TAOK3: variants seen among roughly 807,000 people sequenced by gnomAD.
The protein encoded by TAOK3 is TAO kinase 3, also known as serine/threonine-protein kinase TAO3.
TAOK3 carries 40 observed loss-of-function variants against 120.4 expected under a neutral mutation model. The observed-to-expected ratio is 0.33, with a 90% CI of 0.26 to 0.43. TAOK3 has a LOEUF of 0.43. Among genes scored for constraint, TAOK3 ranks in the 20% least tolerant of loss-of-function variants. The pLI is 1.00. For missense variants in TAOK3, 821 were observed against 1,112.1 expected (o/e 0.74, Z 3.72); for synonymous variants, 355 against 387.5 (o/e 0.92, Z 0.99).
intron 1 of TAOK3, among the ~76,000 whole-genome samples, chr12:118,293,445 G>A (rs2042555815): frequency 1.3e-5 from 2 of 152,024 alleles, no homozygotes; most frequent in South Asian, 2.1e-4. Context: ...TTGGGAGGCT[G>A]AGGTGGGTGG....
At chr12:118,157,758 A>G (rs2034941333) in intron 19 of TAOK3, among the ~76,000 whole-genome samples, 1 of 152,222 alleles carries the variant, frequency 6.6e-6, no homozygotes, top group African/African-American at 2.4e-5. Context: ...GATGCCTGGT[A>G]CATCACGTAG....
chr12:118,176,106 G>C (rs1258721782), intron 16 of TAOK3, among the ~76,000 whole-genome samples: 5 of 152,190 alleles, frequency 3.3e-5, no homozygotes, highest in African/African-American at 7.2e-5. Flanking sequence ...GTTAGAAAAG[G>C]CTTCCTTAGG....
chr12:118,159,552 C>T (rs1301874742), intron 19 of TAOK3, among the ~76,000 whole-genome samples: 2 of 152,184 alleles, frequency 1.3e-5, no homozygotes, highest in South Asian at 2.1e-4. Context: ...CCACCTGCCT[C>T]GGCCTCCCAA....
At chr12:118,342,157 G>A (rs1039456483) in intron 1 of TAOK3, among the ~76,000 whole-genome samples, 1 of 152,014 alleles carries the variant, frequency 6.6e-6, no homozygotes, top group Non-Finnish European at 1.5e-5. Context: ...GGATTTCAGA[G>A]TTGGGAGCAA....
chr12:118,279,886 C>T (rs1348363014), intron 1 of TAOK3, among the ~76,000 whole-genome samples: 2 of 151,726 alleles, frequency 1.3e-5, no homozygotes, highest in Admixed American at 6.6e-5. Flanking sequence ...CTGCCTCAGC[C>T]TCCCAAGTAG....
intron 17 of TAOK3, among the ~76,000 whole-genome samples, chr12:118,170,039 A>G (rs1481177762): frequency 6.6e-6 from 1 of 152,152 alleles, no homozygotes; most frequent in African/African-American, 2.4e-5. Flanking sequence ...ATCTTAGTAT[A>G]TGTCAAGTCC....
At chr12:118,335,314 CT>C (rs2044322637) in intron 1 of TAOK3, among the ~76,000 whole-genome samples, 1 of 151,982 alleles carries the variant, frequency 6.6e-6, no homozygotes, top group East Asian at 1.9e-4. Context: ...GATCTTGAAG[CT>C]ATTAAAAGGA....
rs2043026991 is a variant in TAOK3, at chr12:118,305,719, C to CA, written c.-193-38961dup. On this transcript the variant is annotated intron_variant, in intron 1 of 20. Coordinates refer to ENST00000392533, the MANE Select transcript of TAOK3 (RefSeq NM_016281.4). ...CAGGAATTCAGACTAGCCTGACCAT[C>CA]ATGGTGAAACCCCATCTCTACTAAA... 2.0e-5 allele frequency among the ~76,000 whole-genome samples: 3 copies of CA among 151,954 alleles called. No homozygotes were observed. The South Asian group carries it at 6.2e-4, about 32-fold the overall frequency.
At chr12:118,353,617 A>T (rs1411006481) in intron 1 of TAOK3, among the ~76,000 whole-genome samples, 1 of 152,042 alleles carries the variant, frequency 6.6e-6, no homozygotes, top group Non-Finnish European at 1.5e-5. Context: ...GGAAAAAGAG[A>T]CTGAAATGAA....
chr12:118,339,359 A>G (rs1328963858), intron 1 of TAOK3, among the ~76,000 whole-genome samples: 1 of 132,664 alleles, frequency 7.5e-6, no homozygotes, highest in Non-Finnish European at 1.5e-5. Context: ...ATCTCGGCTC[A>G]CCGCAACCTC....
At chr12:118,222,752 T>C (rs1033825450) in intron 9 of TAOK3, among the ~76,000 whole-genome samples, 6 of 152,074 alleles carry the variant, frequency 3.9e-5, no homozygotes, top group African/African-American at 1.4e-4. Context: ...CAGAGGGATC[T>C]AATGGACTTT....
intron 15 of TAOK3, among the ~76,000 whole-genome samples, chr12:118,177,658 G>A (rs975876700): frequency 1.3e-5 from 2 of 151,740 alleles, no homozygotes; most frequent in Non-Finnish European, 2.9e-5. Flanking sequence ...ACCCAGTCTC[G>A]ACTAAAAGTA....
intron 1 of TAOK3, among the ~76,000 whole-genome samples, chr12:118,314,958 T>C (rs895452253): frequency 5.3e-4 from 80 of 152,118 alleles, no homozygotes; most frequent in Non-Finnish European, 4.1e-4. Context: ...AGTCTCACTC[T>C]ATGGCCCCGG....
intron 2 of TAOK3, among the ~76,000 whole-genome samples, chr12:118,266,342 G>A (rs1335407528): frequency 1.4e-5 from 2 of 147,118 alleles, no homozygotes. Context: ...ACAGACATGC[G>A]CCACCACGCC....
chr12:118,171,563 G>A (rs937271980), intron 17 of TAOK3, among the ~76,000 whole-genome samples: 3 of 152,098 alleles, frequency 2.0e-5, no homozygotes, highest in Non-Finnish European at 4.4e-5. Context: ...CACCATGTTG[G>A]CCAGGTTGGT....
chr12:118,214,343 G>C (rs1460316569), intron 9 of TAOK3, among the ~76,000 whole-genome samples: 1 of 152,164 alleles, frequency 6.6e-6, no homozygotes, highest in African/African-American at 2.4e-5. Flanking sequence ...TTTCAAAAGA[G>C]TGAAAGAAAA....
At chr12:118,191,591 T>A (rs2037433048) in intron 13 of TAOK3, among the ~76,000 whole-genome samples, 1 of 152,230 alleles carries the variant, frequency 6.6e-6, no homozygotes, top group Non-Finnish European at 1.5e-5. Flanking sequence ...TGTAAGTTTT[T>A]AAAACTTATA....
chr12:118,182,618 TATATA>T (rs1333795251), intron 14 of TAOK3, among the ~76,000 whole-genome samples: 116 of 94,310 alleles, frequency 1.2e-3, no homozygotes, highest in African/African-American at 4.1e-3. Context: ...TATATATATA[TATATA>T]TTTTTTTTTT....
At chr12:118,303,779 C>T (rs1278386206) in intron 1 of TAOK3, among the ~76,000 whole-genome samples, 1 of 152,152 alleles carries the variant, frequency 6.6e-6, no homozygotes, top group Non-Finnish European at 1.5e-5. Flanking sequence ...TCCTGAGTAG[C>T]TGGGATTACA....
Sources: allele counts gnomAD v4.1 joint callset (sites outside exome capture counted in the v4.1 genomes callset), GRCh38; gene constraint gnomAD v4.1.1; transcripts MANE v1.5; gene names NCBI Gene and HGNC (gene_info 2026-07-23, HGNC 2026-07-21).